Variants in COL21A1 observed in about 807,000 individuals in gnomAD.
The protein encoded by COL21A1 is collagen type XXI alpha 1 chain, also known as collagen alpha-1(XXI) chain.
COL21A1 carries 149 observed loss-of-function variants against 137.9 expected under a neutral mutation model. That is an observed-to-expected ratio of 1.08 (90% CI 0.95 to 1.24). COL21A1 has a LOEUF of 1.24. COL21A1 is among the 50% of genes most tolerant of loss of function. The probability of loss-of-function intolerance (pLI) is 0.00; values close to 1 mark genes in which losing one functional copy is unlikely to be tolerated. For synonymous variants in COL21A1, 456 were observed against 391.5 expected (o/e 1.16, Z -1.95); for missense variants, 1,167 against 1,158.4 (o/e 1.01, Z -0.11).
chr6:56,293,213 T>C (rs551897965), intron 1 of COL21A1, among the ~76,000 whole-genome samples: 1 of 152,286 alleles, frequency 6.6e-6, no homozygotes, highest in East Asian at 1.9e-4. Context: ...TAAAATTAAG[T>C]AATGTAAAAA....
intron 17 of COL21A1, among the ~76,000 whole-genome samples, chr6:56,081,872 A>C: frequency 6.6e-6 from 1 of 151,898 alleles, no homozygotes; most frequent in East Asian, 1.9e-4. Context: ...TTTAGCCAAT[A>C]AATATAGGCT....
intron 23 of COL21A1, 68 bp downstream of exon 23, chr6:56,067,227 T>A (rs1017354370): frequency 9.6e-5 from 123 of 1,285,286 alleles, no homozygotes. Context: ...AATTTAAAAG[T>A]AAAATAAGAA....
intron 16 of COL21A1, among the ~76,000 whole-genome samples, chr6:56,105,179 T>G (rs1582367944): frequency 6.6e-6 from 1 of 152,322 alleles, no homozygotes; most frequent in East Asian, 1.9e-4. Flanking sequence ...ACCCTCACTC[T>G]GCCATGGAAC....
At chr6:56,376,825 G>A (rs1353625836) in intron 1 of COL21A1, among the ~76,000 whole-genome samples, 18 of 54,858 alleles carry the variant, frequency 3.3e-4, no homozygotes, top group African/African-American at 1.2e-3. Context: ...ACCAATCGAC[G>A]CCCACCCCCC....
chr6:56,167,018 G>A (rs776920594), intron 6 of COL21A1, 35 bp from the exon 7 acceptor site: 126 of 1,498,876 alleles, frequency 8.4e-5, no homozygotes, highest in Middle Eastern at 3.4e-4. Context: ...TAAAGTTGAG[G>A]CACAAGCTAA....
chr6:56,380,574 G>C (rs2094007176), intron 1 of COL21A1, among the ~76,000 whole-genome samples: 1 of 152,172 alleles, frequency 6.6e-6, no homozygotes, highest in Admixed American at 6.5e-5. Context: ...GACAGGCACA[G>C]AGCAGCAAAA....
At chr6:56,362,051 C>T (rs185651682) in intron 1 of COL21A1, among the ~76,000 whole-genome samples, 160 of 152,272 alleles carry the variant, frequency 1.1e-3, no homozygotes, top group Non-Finnish European at 2.0e-3. Context: ...TGAGCGCTTG[C>T]CCCTGGAAAC....
At chr6:56,192,180 A>G (rs1240255824) in intron 1 of COL21A1, among the ~76,000 whole-genome samples, 1 of 152,188 alleles carries the variant, frequency 6.6e-6, no homozygotes, top group African/African-American at 2.4e-5. Context: ...CCTTCGTTAC[A>G]CCGTATACAA....
chr6:56,255,189 T>A (rs1450326482), intron 1 of COL21A1, among the ~76,000 whole-genome samples: 1 of 152,212 alleles, frequency 6.6e-6, no homozygotes, highest in Non-Finnish European at 1.5e-5. Context: ...AATCATACAT[T>A]ACAACCTGCA....
At chr6:56,122,051 C>T (rs1772591081) in intron 16 of COL21A1, among the ~76,000 whole-genome samples, 1 of 151,858 alleles carries the variant, frequency 6.6e-6, no homozygotes, top group Non-Finnish European at 1.5e-5. Flanking sequence ...TATATTCCTA[C>T]AATAAAATAC....
Position 56,344,591 on chromosome 6 carries a change from C to A in COL21A1, c.-39+49380G>T, listed in dbSNP as rs543716927. Among the ~76,000 whole-genome samples the A allele has an allele frequency of 2.0e-5, 3 of 152,248 alleles. No individual in the cohort carries two copies. The East Asian group carries it at 5.8e-4, about 29-fold the overall frequency. On this transcript the variant is annotated intron_variant, in intron 1 of 28. Transcript: ENST00000370819. ...TGGATGAGAGTTCAGTTAATAATAG[C>A]AGATTTCACATTCATTCGTTATTTC...
At chr6:56,263,195 G>A (rs1763321147) in intron 1 of COL21A1, among the ~76,000 whole-genome samples, 1 of 152,166 alleles carries the variant, frequency 6.6e-6, no homozygotes, top group African/African-American at 2.4e-5. Flanking sequence ...CTTGTTGAAT[G>A]AATGAATTAA....
intron 1 of COL21A1, among the ~76,000 whole-genome samples, chr6:56,295,150 A>T (rs899661667): frequency 3.3e-5 from 5 of 151,352 alleles, no homozygotes; most frequent in Non-Finnish European, 5.9e-5. Context: ...ATTTTATTTT[A>T]TTTTTTTTAC....
intron 1 of COL21A1, chr6:56,225,726 T>C (rs1278672048): frequency 6.6e-6 from 1 of 152,084 alleles, no homozygotes; most frequent in Non-Finnish European, 1.5e-5. Context: ...AAAATTTAAT[T>C]ACTTTAAAAA....
chr6:56,178,526 C>T (rs1777659140), intron 3 of COL21A1, among the ~76,000 whole-genome samples: 1 of 151,980 alleles, frequency 6.6e-6, no homozygotes, highest in African/African-American at 2.4e-5. Context: ...CATAAACACA[C>T]AGGATTTTTT....
chr6:56,276,798 G>GTTT lies in COL21A1; in HGVS notation c.-38-94145_-38-94143dup, dbSNP rs202071546. On this transcript the variant is annotated intron_variant, in intron 1 of 28. Coordinates refer to the COL21A1 transcript ENST00000370819. ...TAATTCTGGTTGTTCAGTGAGTTGT[G>GTTT]TTTTTTTTGTTTTTTTTGTTTTTTT... 23 of 878,946 alleles carry GTTT rather than the reference G, an allele frequency of 2.6e-5. No homozygotes were observed. In the African/African-American group the frequency reaches 3.2e-4, roughly 12 times the overall value. 54.4% of individuals were successfully genotyped at this position (878,946 alleles called of 1,614,324 possible).
chr6:56,148,431 G>A (rs1282081087), intron 10 of COL21A1, among the ~76,000 whole-genome samples: 1 of 151,464 alleles, frequency 6.6e-6, no homozygotes, highest in Non-Finnish European at 1.5e-5. Context: ...TGAGAGTTCA[G>A]GTAGACACTG....
chr6:56,105,303 G>T (rs1770792190), intron 16 of COL21A1, among the ~76,000 whole-genome samples: 1 of 152,064 alleles, frequency 6.6e-6, no homozygotes, highest in Non-Finnish European at 1.5e-5. Context: ...TAAAATAAGA[G>T]CCTTTGTGAA....
chr6:56,298,682 G>A (rs960389022), intron 1 of COL21A1, among the ~76,000 whole-genome samples: 1 of 152,098 alleles, frequency 6.6e-6, no homozygotes, highest in Non-Finnish European at 1.5e-5. Flanking sequence ...AGTCTTCAGA[G>A]AAACAGGTGA....
Sources: allele counts gnomAD v4.1 joint callset (sites outside exome capture counted in the v4.1 genomes callset), GRCh38; gene constraint gnomAD v4.1.1; transcripts MANE v1.5; gene names NCBI Gene and HGNC (gene_info 2026-07-23, HGNC 2026-07-21).